Variants in ATP8A1 observed in about 807,000 individuals in gnomAD.
The protein encoded by ATP8A1 is ATPase phospholipid transporting 8A1.
ATP8A1 carries 90 observed loss-of-function variants against 177.7 expected under a neutral mutation model. The ratio of observed to expected loss-of-function variants is 0.51; its 90% CI spans 0.43 to 0.60. ATP8A1 has a LOEUF of 0.60. Ranked by LOEUF, ATP8A1 falls within the 20% of genes least tolerant of loss-of-function variation. ATP8A1 has a pLI of 0.00. For synonymous variants in ATP8A1, 493 were observed against 485.9 expected (o/e 1.01, Z -0.19); for missense variants, 1,072 against 1,392.8 (o/e 0.77, Z 3.67).
At chr4:42,560,820 T>A (rs1322087282) in intron 15 of ATP8A1, among the ~76,000 whole-genome samples, 4 of 152,112 alleles carry the variant, frequency 2.6e-5, no homozygotes, top group Non-Finnish European at 5.9e-5. Context: ...GATCTAAATA[T>A]TAGATTGGTG....
chr4:42,503,704 A>C (rs16854435), intron 23 of ATP8A1, among the ~76,000 whole-genome samples, 190 bp from the exon 24 acceptor site: 11 of 152,142 alleles, frequency 7.2e-5, no homozygotes, highest in African/African-American at 2.7e-4. Context: ...GATATGCAAC[A>C]AGTACATCTG....
chr4:42,616,986 G>A (rs374341716), intron 4 of ATP8A1, among the ~76,000 whole-genome samples: 26 of 152,238 alleles, frequency 1.7e-4, no homozygotes, highest in African/African-American at 4.1e-4. Context: ...AACTCTGTTC[G>A]CTCAAAGATT....
Position 42,489,228 on chromosome 4 carries a change from G to A in ATP8A1, c.2152-3560C>T, listed in dbSNP as rs16854422. ...TGAAACCTGAGACGGACCTCAGGAG[G>A]ACTTCGAATTTCTTGAAAGCTCAGC... is the stretch of plus-strand genomic sequence containing the variant. On this transcript the variant is annotated intron_variant, in intron 24 of 36. Coordinates refer to ENST00000381668, the MANE Select transcript of ATP8A1 (RefSeq NM_006095.2). Among the ~76,000 whole-genome samples, 1,206 of 152,238 alleles carry A rather than the reference G, an allele frequency of 7.9e-3. 15 individuals are homozygous for A. Among genetic ancestry groups the A allele is most frequent in the African/African-American group, 0.027 (1,136 of 41,528 alleles).
chr4:42,616,190 T>C, intron 4 of ATP8A1, 112 bp from the exon 5 acceptor site: 3 of 897,074 alleles, frequency 3.3e-6, no homozygotes, highest in Non-Finnish European at 5.2e-6. Context: ...GTTTTTATCA[T>C]TTCTCATTCA....
chr4:42,443,681 C>T lies in ATP8A1; in HGVS notation c.3016-9G>A. ...ATCGCTATGTGGCTGAACTGTAGAGCAAGGAAATCTGAGTCAAAAAAGTTT... is the reference window on the plus strand; with the variant it reads ...ATCGCTATGTGGCTGAACTGTAGAGTAAGGAAATCTGAGTCAAAAAAGTTT... On this transcript the variant is annotated splice_polypyrimidine_tract_variant and intron_variant, in intron 32 of 36. Coordinates refer to ENST00000381668, the MANE Select transcript of ATP8A1 (RefSeq NM_006095.2). 1 of 1,326,888 alleles carries T rather than the reference C, an allele frequency of 7.5e-7. No individual in the cohort carries two copies. The allele number at this position is 1,326,888 out of a possible 1,614,324, so 82.2% of individuals were successfully genotyped here. A position where few individuals can be genotyped will look rare whatever the true frequency, so the allele number is the denominator to read the frequency against.
chr4:42,540,310 A>G (rs1578130481), intron 20 of ATP8A1, among the ~76,000 whole-genome samples: 1 of 152,090 alleles, frequency 6.6e-6, no homozygotes, highest in Non-Finnish European at 1.5e-5. Context: ...GAGAGAAAGG[A>G]CCTCTTACAT....
chr4:42,575,928 A>G (rs1165938229), intron 12 of ATP8A1, among the ~76,000 whole-genome samples: 2 of 152,180 alleles, frequency 1.3e-5, no homozygotes, highest in Admixed American at 1.3e-4. Context: ...TGGTAGTTAG[A>G]GCCTGTCTAT....
intron 35 of ATP8A1, 107 bp downstream of exon 35, chr4:42,422,700 G>C: frequency 1.2e-6 from 1 of 847,636 alleles, no homozygotes; most frequent in South Asian, 1.8e-5. Context: ...CAATGACACT[G>C]CCAGCTTGAT....
At chr4:42,580,277 T>C (rs1313853171) in intron 10 of ATP8A1, among the ~76,000 whole-genome samples, 2 of 152,210 alleles carry the variant, frequency 1.3e-5, no homozygotes, top group African/African-American at 4.8e-5. Flanking sequence ...AGATGAATAA[T>C]GCATTACTTG....
At chr4:42,567,500 C>T (rs1166151752) in intron 15 of ATP8A1, among the ~76,000 whole-genome samples, 4 of 152,196 alleles carry the variant, frequency 2.6e-5, no homozygotes, top group African/African-American at 9.7e-5. Flanking sequence ...GATTGTGCCA[C>T]TGCATTCCAG....
intron 1 of ATP8A1, among the ~76,000 whole-genome samples, chr4:42,643,349 A>G (rs1740198126): frequency 6.6e-6 from 1 of 152,334 alleles, no homozygotes; most frequent in Middle Eastern, 3.4e-3. Context: ...GTCTACAAAC[A>G]TATGTATTTT....
In ATP8A1 at chr4:42,411,117, C is replaced by T. The variant is rs546242498; in HGVS notation, c.*1799G>A. On this transcript the variant is annotated 3_prime_UTR_variant, in exon 37 of 37. Coordinates refer to ENST00000381668, the MANE Select transcript of ATP8A1 (RefSeq NM_006095.2). ...TGTGTTGATTCATGACTCTCTCAATCTGTACCCCAAACAGGAAGGGCTTGG... is the reference window on the plus strand; with the variant it reads ...TGTGTTGATTCATGACTCTCTCAATTTGTACCCCAAACAGGAAGGGCTTGG... 8 of 152,156 alleles carry T rather than the reference C, an allele frequency of 5.3e-5. No homozygotes were observed. Among genetic ancestry groups the T allele is most frequent in the Non-Finnish European group, 1.2e-4 (8 of 68,036 alleles). 9.4% of individuals were successfully genotyped at this position (152,156 alleles called of 1,614,324 possible).
chr4:42,437,709 T>G (rs1165091591), intron 33 of ATP8A1, among the ~76,000 whole-genome samples: 1 of 152,172 alleles, frequency 6.6e-6, no homozygotes, highest in Non-Finnish European at 1.5e-5. Context: ...GGTAGAGATG[T>G]CGAATTACTG....
intron 1 of ATP8A1, 124 bp from the exon 2 acceptor site, chr4:42,627,233 C>A: frequency 1.6e-6 from 1 of 644,178 alleles, no homozygotes; most frequent in South Asian, 2.1e-5. Context: ...ACTGTTGTTT[C>A]TTTTATAATA....
At chr4:42,557,881 A>G (rs1730405924) in intron 15 of ATP8A1, among the ~76,000 whole-genome samples, 1 of 152,016 alleles carries the variant, frequency 6.6e-6, no homozygotes, top group Non-Finnish European at 1.5e-5. Flanking sequence ...CATCTCTACT[A>G]AAAATATAAA....
chr4:42,568,176 A>T (rs1577606424), intron 15 of ATP8A1, among the ~76,000 whole-genome samples: 1 of 152,338 alleles, frequency 6.6e-6, no homozygotes, highest in East Asian at 1.9e-4. Flanking sequence ...GTGGTGTCTC[A>T]TCAGTTGTCA....
At chr4:42,590,147 A>G (rs1002298440) in intron 7 of ATP8A1, among the ~76,000 whole-genome samples, 5 of 152,242 alleles carry the variant, frequency 3.3e-5, no homozygotes, top group African/African-American at 9.6e-5. Context: ...TTTGATTAGT[A>G]AGTGAAAAAT....
chr4:42,487,145 G>A (rs2153189564), intron 24 of ATP8A1, among the ~76,000 whole-genome samples: 1 of 152,090 alleles, frequency 6.6e-6, no homozygotes, highest in Non-Finnish European at 1.5e-5. Flanking sequence ...ATTTAGTTGG[G>A]GATGGTGACC....
At position 42,578,281 on chromosome 4, in the gene ATP8A1, G is replaced by A. The variant is rs1732675304; in HGVS notation, c.1107C>T (p.Thr369=). 1 of 1,605,290 alleles carries A rather than the reference G, an allele frequency of 6.2e-7. No homozygotes were observed. The highest frequency in any genetic ancestry group is 8.5e-7 in the Non-Finnish European group (1 of 1,175,838). Residue 369 remains threonine (T), a synonymous_variant, in exon 12 of 37, where the codon ACC becomes ACT. Coordinates refer to ENST00000381668, the MANE Select transcript of ATP8A1 (RefSeq NM_006095.2). ...LLVTLEVVKF[T]QAYFINWDLD... ...TTACCCAATTTATGAAGTATGCCTG[G>A]GTAAATTTCACAACTTCTAATGTAA...
Sources: gnomAD v4.1 joint callset for allele counts (sites outside exome capture counted in the v4.1 genomes callset) on GRCh38, gnomAD v4.1.1 for gene constraint, MANE v1.5 for transcripts, NCBI Gene and HGNC (gene_info 2026-07-23, HGNC 2026-07-21) for gene names.